The following EFHB variants were observed in gnomAD, a reference collection of about 807,000 sequenced individuals.
The protein encoded by EFHB is EF-hand domain-containing family member B.
A neutral mutation model predicts 87.2 loss-of-function variants in EFHB; 91 were observed. That is an observed-to-expected ratio of 1.04 (90% CI 0.88 to 1.24). The LOEUF (loss-of-function observed/expected upper bound fraction) is 1.24. EFHB is among the 50% of genes most tolerant of loss of function. EFHB has a pLI of 0.00. For synonymous variants in EFHB, 325 were observed against 333.6 expected, an observed-to-expected ratio of 0.97 and a Z score of 0.28; for missense variants, 1,084 against 998.8, an observed-to-expected ratio of 1.09 and a Z score of -1.15.
chr3:19,936,132 G>T (rs1696012844), upstream of EFHB: 1 of 1,495,324 alleles, frequency 6.7e-7, no homozygotes, highest in African/African-American at 1.4e-5. Context: ...TCTGGACATA[G>T]TCACTCACCT....
intron 5 of EFHB, among the ~76,000 whole-genome samples, chr3:19,908,570 G>GAGAGAAAGAGAGAA (rs1559459468): frequency 3.0e-5 from 2 of 66,402 alleles, no homozygotes; most frequent in African/African-American, 1.3e-4. Context: ...GAAAGAGAGA[G>GAGAGAAAGAGAGAA]AGAGAGAGAG....
chr3:19,920,929 T>G (rs751078290), intron 1 of EFHB, among the ~76,000 whole-genome samples: 7 of 152,094 alleles, frequency 4.6e-5, no homozygotes, highest in Non-Finnish European at 7.3e-5. Flanking sequence ...GAAATAGAAG[T>G]ATGATCTTTG....
At chr3:19,929,563 G>T (rs757251041) in intron 1 of EFHB, among the ~76,000 whole-genome samples, 26 of 151,758 alleles carry the variant, frequency 1.7e-4, no homozygotes, top group Non-Finnish European at 3.1e-4. Context: ...CAAAAAATTA[G>T]CCGGGTGTGG....
chr3:19,891,244 T>A (rs1157782569), intron 9 of EFHB, among the ~76,000 whole-genome samples: 1 of 152,090 alleles, frequency 6.6e-6, no homozygotes, highest in Non-Finnish European at 1.5e-5. Context: ...CTTGTAGAGA[T>A]GGAGTCTCAC....
At chr3:19,943,302 A>G in intron 1 of EFHB, 2 of 236,450 alleles carry the variant, frequency 8.5e-6, no homozygotes, top group Non-Finnish European at 8.8e-6. Flanking sequence ...TACCAACTGC[A>G]GGTCCTTTAA....
chr3:19,928,696 T>C (rs1310074832), intron 1 of EFHB, among the ~76,000 whole-genome samples: 3 of 152,216 alleles, frequency 2.0e-5, no homozygotes, highest in Non-Finnish European at 1.5e-5. Flanking sequence ...CTGTCTGCCT[T>C]GGCCTCCCAA....
chr3:19,937,713 C>A (rs2125170699), upstream of EFHB, among the ~76,000 whole-genome samples: 2 of 152,214 alleles, frequency 1.3e-5, no homozygotes. Context: ...TCCTCCAGTA[C>A]CAAGAGTCTG....
intron 9 of EFHB, among the ~76,000 whole-genome samples, chr3:19,892,077 G>A (rs1202259292): frequency 6.6e-6 from 1 of 152,140 alleles, no homozygotes; most frequent in Middle Eastern, 3.2e-3. Flanking sequence ...TTATGGAATT[G>A]CCATTCCAGT....
rs754774266 is a variant in EFHB, at chr3:19,918,301, C to T, written c.1108G>A (p.Asp370Asn). 7.4e-6 allele frequency: 12 copies of T among 1,613,104 alleles called. No homozygotes were observed. In the African/African-American group the frequency reaches 1.1e-4, roughly 14 times the overall value. ...NRRAPLGKSH[D>N]QAPGLPKGMD... is the part of the protein sequence containing the mutation. ...CCTTTTGGTAATCCTGGTGCTTGAT[C>T]GTGAGATTTTCCTAATGGTGCTCGT... Residue 370 changes from aspartate (D) to asparagine (N), a missense_variant, in exon 4 of 13, where the codon GAT becomes AAT. Transcript: ENST00000295824.
chr3:19,910,489 G>C (rs991273719), intron 5 of EFHB, among the ~76,000 whole-genome samples: 1 of 152,134 alleles, frequency 6.6e-6, no homozygotes, highest in Non-Finnish European at 1.5e-5. Flanking sequence ...TTGACTCCCA[G>C]ACAGTACTTC....
chr3:19,885,929 G>T (rs1041169343), intron 10 of EFHB, among the ~76,000 whole-genome samples: 1 of 152,118 alleles, frequency 6.6e-6, no homozygotes, highest in African/African-American at 2.4e-5. Context: ...GATAGAATTT[G>T]GTATCAGAAA....
rs757481642 is a variant in EFHB, at chr3:19,892,957, C to CT, written c.1725+3729dup. Among the ~76,000 whole-genome samples, 365 of 143,668 alleles carry CT rather than the reference C, an allele frequency of 2.5e-3. 2 individuals are homozygous for CT. Among genetic ancestry groups the CT allele is most frequent in the Admixed American group, 4.2e-3 (60 of 14,274 alleles). 94.3% of individuals were successfully genotyped at this position (143,668 alleles called of 152,430 possible). A position where few individuals can be genotyped will look rare whatever the true frequency, so the allele number is the denominator to read the frequency against. ...TTTTCCCAATCATATTCTCTATTTTCTTTTTTTTTTTTTAGATGGAGTCTC... is the reference window on the plus strand; with the variant it reads ...TTTTCCCAATCATATTCTCTATTTTCTTTTTTTTTTTTTTAGATGGAGTCTC... On this transcript the variant is annotated intron_variant, in intron 9 of 12. Coordinates refer to ENST00000295824, the MANE Select transcript of EFHB (RefSeq NM_144715.4).
rs571858238 is a variant in EFHB at position 19,912,063 on chromosome 3, A to G, written c.1288+3240T>C. Among the ~76,000 whole-genome samples the G allele has an allele frequency of 9.2e-5, 14 of 152,304 alleles. 1 individual carries two copies. In the South Asian group the frequency reaches 2.7e-3, roughly 29 times the overall value. On this transcript the variant is annotated intron_variant, in intron 5 of 12. Coordinates refer to ENST00000295824, the MANE Select transcript of EFHB (RefSeq NM_144715.4). ...AAAGGGATAACAGAGAACTTCCCAA[A>G]CCTAGAGAAAGATATCAATATCCAA...
chr3:19,933,700 C>T lies in EFHB; in HGVS notation c.319G>A (p.Gly107Arg), dbSNP rs1224154669. Residue 107 changes from glycine (G) to arginine (R), a missense_variant, in exon 1 of 13, where the codon GGA becomes AGA. Gly to Arg is a moderately radical substitution (Grantham distance 125). Coordinates refer to ENST00000295824, the MANE Select transcript of EFHB (RefSeq NM_144715.4). ...SQGTKPSLLP[G>R]RMGLENESLL... ...CTCTCATTTTCTAACCCCATTCTTC[C>T]TGGCAACAGAGAAGGTTTTGTTCCC... 9 of 1,613,878 alleles carry T rather than the reference C, an allele frequency of 5.6e-6. No homozygotes were observed. The Admixed American group carries it at 1.5e-4, about 27-fold the overall frequency.
At chr3:19,884,713 T>G in intron 10 of EFHB, 98 bp from the exon 11 acceptor site, 2 of 1,196,588 alleles carry the variant, frequency 1.7e-6, no homozygotes, top group Non-Finnish European at 2.4e-6. Context: ...TAGTCTCTTC[T>G]TGCTAATGGA....
rs930964676 is a variant in EFHB, at chr3:19,896,486, T to C, written c.1725+201A>G. On this transcript the variant is annotated intron_variant, in intron 9 of 12. Coordinates refer to ENST00000295824, the MANE Select transcript of EFHB (RefSeq NM_144715.4). ...AGTTTTTGTTGCTACTACCTAACTC[T>C]GTATTCATACTGCAAAAGCAGCCAC... 1.8e-5 allele frequency: 13 copies of C among 717,580 alleles called. No homozygotes were observed. The African/African-American group carries it at 1.9e-4, about 11-fold the overall frequency. The allele number at this position is 717,580 out of a possible 1,614,324, so 44.5% of individuals were successfully genotyped here.
rs1350348496 is a variant in EFHB at position 19,879,526 on chromosome 3, C to T, written c.*105G>A. The T allele has an allele frequency of 1.6e-6, 2 of 1,267,516 alleles. No individual in the cohort carries two copies. The highest frequency in any genetic ancestry group is 4.9e-5 in the East Asian group (2 of 40,694). 78.5% of individuals were successfully genotyped at this position (1,267,516 alleles called of 1,614,324 possible). A position where few individuals can be genotyped will look rare whatever the true frequency, so the allele number is the denominator to read the frequency against. ...AACACATACAGGCATATGAGTCTTA[C>T]CACTGTGAACTCTAACATAATATCT... On this transcript the variant is annotated 3_prime_UTR_variant, in exon 13 of 13. Coordinates refer to ENST00000295824, the MANE Select transcript of EFHB (RefSeq NM_144715.4).
chr3:19,918,324 C>T lies in EFHB; in HGVS notation c.1085G>A (p.Arg362Gln), dbSNP rs770547449. Reference protein sequence around the residue: ...KKESIYLSNRRAPLGKSHDQA... With the variant: ...KKESIYLSNRQAPLGKSHDQA... ...ATCGTGAGATTTTCCTAATGGTGCT[C>T]GTCGATTGCTAAGATATATAGATTC... Residue 362 changes from arginine to glutamine, a missense_variant, in exon 4 of 13, where the codon CGA becomes CAA. Coordinates refer to ENST00000295824, the MANE Select transcript of EFHB (RefSeq NM_144715.4). 1.1e-5 allele frequency: 18 copies of T among 1,612,984 alleles called. No individual in the cohort carries two copies. The highest frequency in any genetic ancestry group is 2.2e-5 in the East Asian group (1 of 44,848).
chr3:19,902,808 G>C (rs887293414), intron 6 of EFHB, among the ~76,000 whole-genome samples: 1 of 152,170 alleles, frequency 6.6e-6, no homozygotes. Context: ...ATGAAGTAGT[G>C]AGCTCTTTTT....
Sources: gnomAD v4.1 joint callset for allele counts (sites outside exome capture counted in the v4.1 genomes callset) on GRCh38, gnomAD v4.1.1 for gene constraint, MANE v1.5 for transcripts, NCBI Gene and HGNC (gene_info 2026-07-23, HGNC 2026-07-21) for gene names.